GREB1L: variants seen among roughly 807,000 people sequenced by gnomAD.
GREB1L encodes GREB1-like protein.
In GREB1L, 17 loss-of-function variants were observed where a neutral mutation model predicts 200.8. The observed-to-expected ratio is 0.08, with a 90% CI of 0.06 to 0.13. The LOEUF (loss-of-function observed/expected upper bound fraction) is 0.13. Ranked by LOEUF, GREB1L falls within the 10% of genes least tolerant of loss-of-function variation. The pLI is 1.00. For missense variants in GREB1L, 1,657 were observed against 2,367.7 expected (o/e 0.70, Z 6.23); for synonymous variants, 789 against 893.0 (o/e 0.88, Z 2.08).
intron 1 of GREB1L, among the ~76,000 whole-genome samples, chr18:21,350,791 G>A (rs776531482): frequency 1.2e-4 from 18 of 152,278 alleles, no homozygotes; most frequent in Non-Finnish European, 2.1e-4. Flanking sequence ...TCTATAAGAA[G>A]TGGGGAAAAG....
At chr18:21,500,851 C>G (rs909033119) in intron 23 of GREB1L, among the ~76,000 whole-genome samples, 5 of 152,138 alleles carry the variant, frequency 3.3e-5, no homozygotes, top group Non-Finnish European at 5.9e-5. Flanking sequence ...GGTGGATCAC[C>G]TGAGATGGGG....
At chr18:21,435,745 G>A (rs1200430091) in intron 7 of GREB1L, among the ~76,000 whole-genome samples, 2 of 152,194 alleles carry the variant, frequency 1.3e-5, no homozygotes, top group African/African-American at 4.8e-5. Context: ...AGGTGAGTGG[G>A]TGGTGGTTAA....
intron 4 of GREB1L, among the ~76,000 whole-genome samples, chr18:21,388,526 T>C (rs2144180257): frequency 6.8e-6 from 1 of 147,904 alleles, no homozygotes; most frequent in African/African-American, 2.5e-5. Flanking sequence ...TATGTCTCCT[T>C]AGGTTCCTTT....
intron 1 of GREB1L, among the ~76,000 whole-genome samples, chr18:21,266,613 A>C (rs1210675932): frequency 1.3e-5 from 2 of 152,220 alleles, no homozygotes; most frequent in Non-Finnish European, 2.9e-5. Flanking sequence ...TCTTTTAAAA[A>C]CACATTGCAT....
At chr18:21,455,964 T>C (rs1382394344) in intron 15 of GREB1L, among the ~76,000 whole-genome samples, 2 of 143,626 alleles carry the variant, frequency 1.4e-5, no homozygotes, top group Non-Finnish European at 3.0e-5. Flanking sequence ...AGTGCAGTGG[T>C]ACAGTCCTGG....
chr18:21,333,972 G>A (rs1313728344), intron 1 of GREB1L, among the ~76,000 whole-genome samples: 3 of 150,258 alleles, frequency 2.0e-5, no homozygotes, highest in Non-Finnish European at 3.0e-5. Context: ...ACCGACTGAC[G>A]AAGATCTTGC....
intron 1 of GREB1L, among the ~76,000 whole-genome samples, chr18:21,347,235 C>T (rs1336775010): frequency 6.6e-6 from 1 of 150,734 alleles, no homozygotes; most frequent in Non-Finnish European, 1.5e-5. Flanking sequence ...CCTGAGATTG[C>T]ACCACTGCAC....
chr18:21,468,936 GCAT>G (rs2035374229), intron 15 of GREB1L: 1 of 367,698 alleles, frequency 2.7e-6, no homozygotes, highest in Non-Finnish European at 5.4e-6. Context: ...TGTCCTCATT[GCAT>G]CATGTCAGGG....
intron 1 of GREB1L, among the ~76,000 whole-genome samples, chr18:21,360,377 C>A: frequency 6.6e-6 from 1 of 152,030 alleles, no homozygotes; most frequent in Non-Finnish European, 1.5e-5. Flanking sequence ...TGCCACCACA[C>A]CTAGCTAATT....
At chr18:21,488,173 G>A (rs1210575508) in intron 18 of GREB1L, among the ~76,000 whole-genome samples, 2 of 152,136 alleles carry the variant, frequency 1.3e-5, no homozygotes, top group Admixed American at 6.5e-5. Flanking sequence ...GCGCATGCCT[G>A]TAATCCCAGC....
intron 27 of GREB1L, among the ~76,000 whole-genome samples, chr18:21,509,320 G>A (rs935954720): frequency 2.5e-4 from 38 of 152,272 alleles, no homozygotes; most frequent in African/African-American, 7.9e-4. Flanking sequence ...TGCTTCTGTC[G>A]GTGCCTCAGT....
intron 7 of GREB1L, among the ~76,000 whole-genome samples, chr18:21,431,456 T>A (rs1176568265): frequency 6.6e-6 from 1 of 152,242 alleles, no homozygotes; most frequent in Non-Finnish European, 1.5e-5. Flanking sequence ...GATTGTTCAT[T>A]TGAGTCTCTT....
intron 1 of GREB1L, among the ~76,000 whole-genome samples, chr18:21,268,509 A>G (rs867271160): frequency 1.3e-3 from 156 of 117,980 alleles, no homozygotes; most frequent in Non-Finnish European, 2.0e-3. Flanking sequence ...ACATATATAT[A>G]TGTATATATA....
chr18:21,490,214 G>T lies in GREB1L; in HGVS notation c.2893G>T (p.Val965Leu). ...GHMLIIRVPS[V>L]QLAMLAKERL... ...CATGCTCATTATCAGGGTGCCCTCG[G>T]TGCAGCTGGCGATGTTAGCCAAGGA... Residue 965 changes from valine (V) to leucine (L), a missense_variant, in exon 19 of 33, where the codon GTG (valine) becomes TTG (leucine). Around this residue, in one of 9 missense-constraint regions of GREB1L, gnomAD observed 512 missense variants for 668.3 expected, o/e 0.77. Transcript: ENST00000424526. 6.4e-7 allele frequency: 1 copy of T among 1,551,780 alleles called. No homozygotes were observed. Among genetic ancestry groups the T allele is most frequent in the Non-Finnish European group, 8.7e-7 (1 of 1,147,026 alleles).
rs370535506 is a variant in GREB1L, at chr18:21,458,266, C to T, written c.2182+3703C>T. On this transcript the variant is annotated intron_variant, in intron 15 of 32. Coordinates refer to ENST00000424526, the MANE Select transcript of GREB1L (RefSeq NM_001142966.3). ...GATTACAGGTGTGAGCCACCGCGCC[C>T]GGCCCAAGGACAGTTTTTTTATTGT... is the stretch of plus-strand genomic sequence containing the variant. Among the ~76,000 whole-genome samples the T allele has an allele frequency of 1.6e-3, 244 of 152,208 alleles. 1 individual carries two copies. Among genetic ancestry groups the T allele is most frequent in the African/African-American group, 5.4e-3 (223 of 41,528 alleles).
At chr18:21,508,705 C>A in intron 27 of GREB1L, 114 bp downstream of exon 27, 1 of 713,452 alleles carries the variant, frequency 1.4e-6, no homozygotes, top group Non-Finnish European at 2.3e-6. Flanking sequence ...GCCCTCCTCA[C>A]CACTCTTCGG....
chr18:21,425,389 G>A (rs1394429269), intron 7 of GREB1L, among the ~76,000 whole-genome samples: 1 of 152,196 alleles, frequency 6.6e-6, no homozygotes, highest in Admixed American at 6.5e-5. Flanking sequence ...CTGGATGCGT[G>A]TTTTCCTTTC....
At chr18:21,429,893 T>C (rs2033004183) in intron 7 of GREB1L, among the ~76,000 whole-genome samples, 2 of 152,144 alleles carry the variant, frequency 1.3e-5, no homozygotes, top group Non-Finnish European at 2.9e-5. Flanking sequence ...GTTTAAACAA[T>C]AGCAATTTAT....
intron 1 of GREB1L, among the ~76,000 whole-genome samples, chr18:21,273,215 G>A (rs1190247714): frequency 1.3e-5 from 2 of 152,146 alleles, no homozygotes; most frequent in African/African-American, 2.4e-5. Flanking sequence ...GTGACAGAAT[G>A]AGACTCCATC....
Sources: allele counts gnomAD v4.1 joint callset (sites outside exome capture counted in the v4.1 genomes callset), GRCh38; gene constraint gnomAD v4.1.1; regional missense constraint gnomAD v4.1.1; transcripts MANE v1.5; gene names NCBI Gene and HGNC (gene_info 2026-07-23, HGNC 2026-07-21).